LRRTM4: variants seen among roughly 807,000 people sequenced by gnomAD.
LRRTM4 encodes the protein leucine-rich repeat transmembrane neuronal protein 4.
A neutral mutation model predicts 47.6 loss-of-function variants in LRRTM4; 25 were observed. The observed-to-expected ratio is 0.53, with a 90% CI of 0.38 to 0.73. LRRTM4 has a LOEUF of 0.73. LRRTM4 is among the 30% of genes least tolerant of loss of function. The pLI is 0.00. For synonymous variants in LRRTM4, 311 were observed against 269.5 expected (o/e 1.15, Z -1.51); for missense variants, 638 against 713.4 (o/e 0.89, Z 1.20).
intron 3 of LRRTM4, among the ~76,000 whole-genome samples, chr2:77,465,621 C>T (rs1234181595): frequency 1.3e-5 from 2 of 151,962 alleles, no homozygotes; most frequent in Admixed American, 6.6e-5. Flanking sequence ...GGAAAATTTC[C>T]GGGAATTTTA....
chr2:76,974,213 C>CAT (rs1283439856), intron 3 of LRRTM4, among the ~76,000 whole-genome samples: 13,614 of 126,150 alleles, frequency 0.11, 944 homozygotes, highest in Admixed American at 0.17. Flanking sequence ...TATATATACA[C>CAT]ATATATATAC....
At chr2:76,927,582 C>T (rs888063888) in intron 3 of LRRTM4, among the ~76,000 whole-genome samples, 1 of 152,086 alleles carries the variant, frequency 6.6e-6, no homozygotes, top group Non-Finnish European at 1.5e-5. Context: ...AAGCCAATAC[C>T]TTTCTCTATT....
At chr2:77,454,707 G>A (rs1362355867) in intron 3 of LRRTM4, among the ~76,000 whole-genome samples, 1 of 151,956 alleles carries the variant, frequency 6.6e-6, no homozygotes, top group East Asian at 1.9e-4. Flanking sequence ...TATCTTGCTA[G>A]TCATTTAACT....
In LRRTM4 at chr2:77,400,546, A is replaced by G. The variant is rs1673910463; in HGVS notation, c.1551+117772T>C. On this transcript the variant is annotated intron_variant, in intron 3 of 3. Transcript: ENST00000409884. ...GTCTCCTTGCTTCTTCTCTTGCTCTATTTCTCCACAGATTAGTCTCATGAT... is the reference window on the plus strand; with the variant it reads ...GTCTCCTTGCTTCTTCTCTTGCTCTGTTTCTCCACAGATTAGTCTCATGAT... 2.6e-5 allele frequency among the ~76,000 whole-genome samples: 4 copies of G among 151,880 alleles called. No individual in the cohort carries two copies. In the South Asian group the frequency reaches 8.3e-4, roughly 32 times the overall value.
At chr2:77,286,461 C>T (rs1487163207) in intron 3 of LRRTM4, among the ~76,000 whole-genome samples, 1 of 151,528 alleles carries the variant, frequency 6.6e-6, no homozygotes, top group African/African-American at 2.4e-5. Flanking sequence ...ATAAAACTAG[C>T]CTAGCTGATT....
chr2:77,271,393 A>G (rs1161528215), intron 3 of LRRTM4, among the ~76,000 whole-genome samples: 1 of 152,108 alleles, frequency 6.6e-6, no homozygotes, highest in Non-Finnish European at 1.5e-5. Flanking sequence ...CAGGTCTCTC[A>G]CTTGCTTGCT....
intron 3 of LRRTM4, among the ~76,000 whole-genome samples, chr2:76,929,234 T>C (rs1573327067): frequency 1.3e-5 from 2 of 152,230 alleles, no homozygotes; most frequent in Admixed American, 1.3e-4. Context: ...AGGTTTTGTT[T>C]GCTTTGTTTT....
intron 3 of LRRTM4, among the ~76,000 whole-genome samples, chr2:77,511,453 A>T (rs1357971895): frequency 3.3e-5 from 5 of 151,928 alleles, no homozygotes; most frequent in Non-Finnish European, 7.4e-5. Context: ...TTAAAATATT[A>T]GTATATTTTA....
At chr2:77,456,152 A>G (rs1350122202) in intron 3 of LRRTM4, among the ~76,000 whole-genome samples, 1 of 152,162 alleles carries the variant, frequency 6.6e-6, no homozygotes, top group Admixed American at 6.5e-5. Flanking sequence ...GACTAAATTC[A>G]ATTTATGCTT....
chr2:77,182,787 A>G (rs1673386598), intron 3 of LRRTM4, among the ~76,000 whole-genome samples: 1 of 152,148 alleles, frequency 6.6e-6, no homozygotes, highest in Admixed American at 6.6e-5. Flanking sequence ...TTGCCCATTC[A>G]GTATGATATT....
intron 3 of LRRTM4, among the ~76,000 whole-genome samples, chr2:77,498,735 T>C (rs1196396358): frequency 1.3e-5 from 2 of 151,794 alleles, no homozygotes; most frequent in Non-Finnish European, 2.9e-5. Context: ...AGTACTACTA[T>C]TGTGGCAACT....
chr2:76,770,699 C>T (rs147464494), intron 3 of LRRTM4, among the ~76,000 whole-genome samples: 7 of 152,264 alleles, frequency 4.6e-5, no homozygotes, highest in African/African-American at 1.7e-4. Flanking sequence ...AAATACATCT[C>T]CTTTTACATA....
intron 3 of LRRTM4, among the ~76,000 whole-genome samples, chr2:76,982,659 G>A (rs1200904619): frequency 6.6e-6 from 1 of 151,998 alleles, no homozygotes; most frequent in Admixed American, 6.6e-5. Context: ...GGGAAATGGA[G>A]AGACAGGTAT....
At chr2:77,258,658 C>G (rs918734041) in intron 3 of LRRTM4, among the ~76,000 whole-genome samples, 1 of 151,644 alleles carries the variant, frequency 6.6e-6, no homozygotes, top group Non-Finnish European at 1.5e-5. Flanking sequence ...CTCGTAAACC[C>G]TTTTTGTTAT....
chr2:77,023,634 T>C (rs1678351176), intron 3 of LRRTM4, among the ~76,000 whole-genome samples: 1 of 152,210 alleles, frequency 6.6e-6, no homozygotes, highest in South Asian at 2.1e-4. Context: ...AGGGGCACAA[T>C]GCTGCCAGTT....
chr2:76,826,546 T>C (rs1671197110), intron 3 of LRRTM4, among the ~76,000 whole-genome samples: 1 of 151,548 alleles, frequency 6.6e-6, no homozygotes, highest in Admixed American at 6.6e-5. Context: ...AAAATACATA[T>C]ATATGCAAAG....
chr2:77,512,756 T>A (rs1679068733), intron 3 of LRRTM4, among the ~76,000 whole-genome samples: 1 of 152,094 alleles, frequency 6.6e-6, no homozygotes, highest in Non-Finnish European at 1.5e-5. Context: ...AGAAGGAAAT[T>A]CTGGTATCCT....
intron 3 of LRRTM4, among the ~76,000 whole-genome samples, chr2:77,091,759 C>T (rs574183817): frequency 2.7e-5 from 4 of 150,172 alleles, no homozygotes; most frequent in East Asian, 2.0e-4. Flanking sequence ...CAGACAGCCC[C>T]CATTACTTCA....
Position 77,373,086 on chromosome 2 carries a change from A to ATATATATATATAT in LRRTM4, c.1551+145231_1551+145232insATATATATATATA, listed in dbSNP as rs1553435858. Reference sequence around the variant, plus strand: ...CAAAAGCAAACCAACAATTAAAAAAAAAATATATATATATATATATATACG... The same window carrying ATATATATATATAT: ...CAAAAGCAAACCAACAATTAAAAAAATATATATATATATAAATATATATATATATATATATACG... On this transcript the variant is annotated intron_variant, in intron 3 of 3. Transcript: ENST00000409884. Among the ~76,000 whole-genome samples, 74 of 130,104 alleles carry ATATATATATATAT rather than the reference A, an allele frequency of 5.7e-4. No homozygotes were observed. In the South Asian group the frequency reaches 5.8e-3, roughly 10 times the overall value. 85.4% of individuals were successfully genotyped at this position (130,104 alleles called of 152,430 possible). A position where few individuals can be genotyped will look rare whatever the true frequency, so the allele number is the denominator to read the frequency against.
Sources: allele counts gnomAD v4.1 joint callset (sites outside exome capture counted in the v4.1 genomes callset), GRCh38; gene constraint gnomAD v4.1.1; transcripts MANE v1.5; gene names NCBI Gene and HGNC (gene_info 2026-07-23, HGNC 2026-07-21).